ZFHX3: variants seen among roughly 807,000 people sequenced by gnomAD.
ZFHX3 encodes zinc finger homeobox protein 3.
ZFHX3 carries 42 observed loss-of-function variants against 279.1 expected under a neutral mutation model. That is an observed-to-expected ratio of 0.15 (90% CI 0.12 to 0.19). The LOEUF is 0.19. ZFHX3 is among the 10% of genes least tolerant of loss of function. The pLI is 1.00. For missense variants in ZFHX3, 4,981 were observed against 4,754.0 expected, an observed-to-expected ratio of 1.05 and a Z score of -1.40; for synonymous variants, 2,293 against 1,957.8, an observed-to-expected ratio of 1.17 and a Z score of -4.52.
intron 5 of ZFHX3, 167 bp downstream of exon 5, chr16:72,829,612 G>C (rs76484527): frequency 0.023 from 15,248 of 659,268 alleles, 827 homozygotes; most frequent in South Asian, 0.12. Context: ...AAAGGTGACT[G>C]CTCAAAGAAG....
chr16:73,318,979 A>G (rs1336460978), intron 3 of ZFHX3, among the ~76,000 whole-genome samples: 1 of 151,946 alleles, frequency 6.6e-6, no homozygotes, highest in African/African-American at 2.4e-5. Flanking sequence ...ACCCCACCCC[A>G]CACTTGTCTG....
chr16:73,734,211 C>T (rs759144275), intron 1 of ZFHX3, among the ~76,000 whole-genome samples: 10 of 152,146 alleles, frequency 6.6e-5, no homozygotes, highest in African/African-American at 1.2e-4. Context: ...CTGTGCAGCC[C>T]GGTTCCTAAT....
intron 1 of ZFHX3, among the ~76,000 whole-genome samples, chr16:73,719,171 T>C (rs1420136744): frequency 1.3e-5 from 2 of 152,226 alleles, no homozygotes; most frequent in African/African-American, 4.8e-5. Flanking sequence ...AATGATCCCA[T>C]CTGAGTATTG....
intron 5 of ZFHX3, among the ~76,000 whole-genome samples, chr16:73,192,612 C>T (rs1052044699): frequency 3.9e-5 from 6 of 152,208 alleles, no homozygotes; most frequent in Admixed American, 3.9e-4. Flanking sequence ...AAAAAGACTT[C>T]TTGGATGGCT....
chr16:73,729,716 T>C (rs191239671), intron 1 of ZFHX3, among the ~76,000 whole-genome samples: 26 of 152,256 alleles, frequency 1.7e-4, no homozygotes, highest in African/African-American at 6.0e-4. Flanking sequence ...ACTAGAACCA[T>C]GACACGCCAG....
chr16:73,414,342 A>C (rs1310734108), intron 3 of ZFHX3, among the ~76,000 whole-genome samples: 1 of 152,236 alleles, frequency 6.6e-6, no homozygotes, highest in Non-Finnish European at 1.5e-5. Context: ...GCCAGGCACT[A>C]TGTATGGAAT....
At chr16:73,338,796 G>T (rs2015968418) in intron 3 of ZFHX3, among the ~76,000 whole-genome samples, 1 of 152,170 alleles carries the variant, frequency 6.6e-6, no homozygotes, top group African/African-American at 2.4e-5. Flanking sequence ...TATAGGAGGG[G>T]CCTGGTGGAG....
intron 1 of ZFHX3, chr16:72,973,428 CT>C (rs538159779): frequency 1.0e-4 from 16 of 152,400 alleles, no homozygotes; most frequent in African/African-American, 3.4e-4. Context: ...TTCCCTCCAA[CT>C]AGGATTCCTC....
In ZFHX3 at chr16:72,959,198, A is replaced by G. The variant is rs117011203; in HGVS notation, c.948T>C (p.Ile316=). The G allele has an allele frequency of 1.8e-3, 2,889 of 1,614,174 alleles. 7 individuals carry two copies. The highest frequency in any genetic ancestry group is 2.1e-3 in the Non-Finnish European group (2,489 of 1,180,032). The part of the protein sequence containing the change: ...RMTLSEDERK[I]LSNKNISAII... ...TAGCGGAGATGTTCTTATTGCTAAG[A>G]ATTTTCCGCTCGTCTTCGCTCAGGG... The change falls in exon 2 of 10, where the codon ATT becomes ATC. Residue 316 remains isoleucine, a synonymous_variant. Transcript: ENST00000268489.
At chr16:73,016,364 G>C (rs2144637624) in intron 1 of ZFHX3, among the ~76,000 whole-genome samples, 1 of 152,020 alleles carries the variant, frequency 6.6e-6, no homozygotes, top group East Asian at 1.9e-4. Context: ...GCGCTACTTT[G>C]TACATGACAA....
chr16:72,796,395 A>G lies in ZFHX3; in HGVS notation c.6287T>C (p.Ile2096Thr). Residue 2096 changes from isoleucine to threonine, a missense_variant, in exon 9 of 10, where the codon ATC (isoleucine) becomes ACC (threonine). Ile to Thr is a moderately conservative substitution (Grantham distance 89, BLOSUM62 -1). Coordinates refer to ENST00000268489, the MANE Select transcript of ZFHX3 (RefSeq NM_006885.4). ...CGTCTGCATCATCAGCGGCGAGAAG[A>G]TGGGCAGCTCCATCGGCATGGAGAG... ...TQLSMPMELPIFSPLMMQTMP... is the reference protein window; with the variant it reads ...TQLSMPMELPTFSPLMMQTMP... 1 of 1,613,136 alleles carries G rather than the reference A, an allele frequency of 6.2e-7. No homozygotes were observed. The highest frequency in any genetic ancestry group is 8.5e-7 in the Non-Finnish European group (1 of 1,179,996).
At chr16:73,440,501 C>T (rs940247987) in intron 3 of ZFHX3, among the ~76,000 whole-genome samples, 4 of 152,204 alleles carry the variant, frequency 2.6e-5, no homozygotes, top group African/African-American at 4.8e-5. Flanking sequence ...GTGCCTGCCA[C>T]GGAAAGTCTC....
chr16:73,530,900 G>T, intron 2 of ZFHX3, among the ~76,000 whole-genome samples: 1 of 152,256 alleles, frequency 6.6e-6, no homozygotes, highest in South Asian at 2.1e-4. Flanking sequence ...TCTGCCCCTT[G>T]GTTAAGGCTA....
chr16:72,936,385 T>C (rs975813146), intron 3 of ZFHX3, among the ~76,000 whole-genome samples: 1 of 152,252 alleles, frequency 6.6e-6, no homozygotes, highest in African/African-American at 2.4e-5. Flanking sequence ...GTCTCTGCTG[T>C]CTTGGCAGAC....
At chr16:73,855,216 CTTTT>C (rs1032892286) in intron 1 of ZFHX3, among the ~76,000 whole-genome samples, 3 of 111,492 alleles carry the variant, frequency 2.7e-5, no homozygotes, top group African/African-American at 7.1e-5. Context: ...AGGCGTTAGC[CTTTT>C]TTTTTTTTTT....
chr16:73,600,618 C>T lies in ZFHX3; in HGVS notation c.-1547+79562G>A, dbSNP rs1597020686. Among the ~76,000 whole-genome samples the T allele has an allele frequency of 3.3e-5, 5 of 152,124 alleles. No individual in the cohort carries two copies. In the South Asian group the frequency reaches 1.0e-3, roughly 32 times the overall value. ...TGTATTTTTAGTAGAGACAGGGTTT[C>T]ACCATATTAGCCAGAATGGTCTCGA... On this transcript the variant is annotated intron_variant, in intron 2 of 17. Coordinates refer to the ZFHX3 transcript ENST00000641206.
intron 4 of ZFHX3, among the ~76,000 whole-genome samples, chr16:72,856,851 G>A (rs1186036248): frequency 6.6e-6 from 1 of 152,126 alleles, no homozygotes; most frequent in East Asian, 1.9e-4. Context: ...CAAGTGAGTG[G>A]GGCCTGGCTT....
At chr16:73,711,507 G>C (rs57630494) in intron 1 of ZFHX3, among the ~76,000 whole-genome samples, 3,573 of 152,234 alleles carry the variant, frequency 0.023, 106 homozygotes, top group African/African-American at 0.057. Flanking sequence ...ATGGCCCGCT[G>C]CTGGCAGTTG....
At chr16:73,522,321 A>G (rs1011002147) in intron 2 of ZFHX3, among the ~76,000 whole-genome samples, 1 of 152,208 alleles carries the variant, frequency 6.6e-6, no homozygotes, top group Non-Finnish European at 1.5e-5. Flanking sequence ...TGAAGATGAA[A>G]TACGTTCTGG....
Sources: allele counts gnomAD v4.1 joint callset (sites outside exome capture counted in the v4.1 genomes callset), GRCh38; gene constraint gnomAD v4.1.1; transcripts MANE v1.5; gene names NCBI Gene and HGNC (gene_info 2026-07-23, HGNC 2026-07-21).